The following MRPS35 variants were observed in gnomAD, a reference collection of about 807,000 sequenced individuals.
MRPS35 encodes the protein mitochondrial ribosomal protein S35.
Under a neutral mutation model 32.7 loss-of-function variants are expected in MRPS35, and 29 were observed. That is an observed-to-expected ratio of 0.89 (90% confidence interval 0.66 to 1.21). The LOEUF is 1.21. Ranked by LOEUF, MRPS35 falls within the 50% of genes most tolerant of loss-of-function variation. The pLI is 0.00. For synonymous variants in MRPS35, 148 were observed against 139.3 expected, an observed-to-expected ratio of 1.06 and a Z score of -0.44; for missense variants, 373 against 383.8, an observed-to-expected ratio of 0.97 and a Z score of 0.23.
intron 5 of MRPS35, among the ~76,000 whole-genome samples, chr12:27,727,536 T>C (rs1364073919): frequency 2.6e-5 from 4 of 152,134 alleles, no homozygotes; most frequent in African/African-American, 9.7e-5. Context: ...CCACCTAGGA[T>C]TGTGTAAATA....
intron 7 of MRPS35, among the ~76,000 whole-genome samples, chr12:27,741,218 G>T (rs2061963803): frequency 6.6e-6 from 1 of 152,070 alleles, no homozygotes; most frequent in Non-Finnish European, 1.5e-5. Flanking sequence ...GAGTTGTAGA[G>T]ATTTGGTGTC....
At chr12:27,752,953 T>C (rs2062011445) in intron 7 of MRPS35, 1 of 152,158 alleles carries the variant, frequency 6.6e-6, no homozygotes, top group African/African-American at 2.4e-5. Context: ...CTTGTTCTGC[T>C]CTTACCCCGT....
At chr12:27,738,499 T>G (rs546901012) in intron 7 of MRPS35, among the ~76,000 whole-genome samples, 1 of 152,242 alleles carries the variant, frequency 6.6e-6, no homozygotes, top group Non-Finnish European at 1.5e-5. Context: ...TATGTACATT[T>G]ATAAGGAAGA....
At position 27,724,172 on chromosome 12, in the gene MRPS35, G is replaced by T. The variant is rs368495203; in HGVS notation, c.508G>T (p.Val170Leu). Reference protein sequence around the residue: ...GPSVRNPRARVVVLRVKLSSL... With the variant: ...GPSVRNPRARLVVLRVKLSSL... ...ATCTGTTCGGAACCCCAGAGCACGA[G>T]TAGTAGTCTTAAGAGTAAGAGTTTT... Residue 170 changes from valine (V) to leucine (L), a missense_variant, in exon 5 of 8, where the codon GTA (valine) becomes TTA (leucine). Coordinates refer to ENST00000081029, the MANE Select transcript of MRPS35 (RefSeq NM_021821.4). 6.3e-7 allele frequency: 1 copy of T among 1,577,512 alleles called. No individual in the cohort carries two copies. Among genetic ancestry groups the T allele is most frequent in the Non-Finnish European group, 8.6e-7 (1 of 1,167,676 alleles).
At chr12:27,755,050 C>A in intron 7 of MRPS35, 131 bp from the exon 8 acceptor site, 1 of 1,076,702 alleles carries the variant, frequency 9.3e-7, no homozygotes, top group Non-Finnish European at 1.3e-6. Flanking sequence ...AGGGCCTCTC[C>A]ACATTTTGCA....
chr12:27,736,770 C>T (rs531105782), intron 6 of MRPS35, among the ~76,000 whole-genome samples: 115 of 152,294 alleles, frequency 7.6e-4, no homozygotes, highest in Admixed American at 5.0e-3. Context: ...ATTTTAAATA[C>T]AGCAGCAACA....
At chr12:27,743,294 A>G (rs56201260) in intron 7 of MRPS35, among the ~76,000 whole-genome samples, 106,742 of 151,532 alleles carry the variant, frequency 0.7, 38,274 homozygotes, top group African/African-American at 0.84. Flanking sequence ...TTGGGAGGCC[A>G]AGGCAGGTGG....
In MRPS35 at chr12:27,711,887, A is replaced by G. The variant is rs527605355; in HGVS notation, c.112+932A>G. On this transcript the variant is annotated intron_variant, in intron 1 of 7. Coordinates refer to ENST00000081029, the MANE Select transcript of MRPS35 (RefSeq NM_021821.4). The stretch of plus-strand genomic sequence containing the variant: ...AATAATTGTCTATTTTTAAATTTTC[A>G]TTCTTAAATTCTTGGAATACTTAAC... Among the ~76,000 whole-genome samples the G allele has an allele frequency of 1.7e-3, 106 of 62,156 alleles. 8 individuals are homozygous for G. The highest frequency in any genetic ancestry group is 0.019 in the Middle Eastern group (2 of 108). The allele number at this position is 62,156 out of a possible 152,430, so 40.8% of individuals were successfully genotyped here.
At chr12:27,724,743 G>A (rs955879100) in intron 5 of MRPS35, among the ~76,000 whole-genome samples, 1 of 149,604 alleles carries the variant, frequency 6.7e-6, no homozygotes, top group Non-Finnish European at 1.5e-5. Flanking sequence ...ATTCCATCTC[G>A]GAAAAAAAAA....
At chr12:27,752,586 C>T (rs564534293) in intron 7 of MRPS35, among the ~76,000 whole-genome samples, 12 of 152,156 alleles carry the variant, frequency 7.9e-5, no homozygotes, top group Admixed American at 3.3e-4. Context: ...ATGTATTTGT[C>T]GGTTTTTTAG....
chr12:27,720,155 G>A (rs1318465131), intron 4 of MRPS35, among the ~76,000 whole-genome samples: 1 of 152,068 alleles, frequency 6.6e-6, no homozygotes, highest in Non-Finnish European at 1.5e-5. Context: ...ACTTTGGAAG[G>A]CCGAGGCGGG....
chr12:27,713,600 T>G (rs576974477), intron 1 of MRPS35, among the ~76,000 whole-genome samples: 8 of 152,218 alleles, frequency 5.3e-5, no homozygotes, highest in African/African-American at 1.9e-4. Flanking sequence ...TATATTCTTC[T>G]TTCATCTGCC....
intron 5 of MRPS35, among the ~76,000 whole-genome samples, chr12:27,734,237 ATCT>A (rs1350402940): frequency 4.2e-5 from 6 of 141,568 alleles, no homozygotes; most frequent in Non-Finnish European, 7.6e-5. Flanking sequence ...AACCTAACCT[ATCT>A]TCTTTTTTTT....
intron 7 of MRPS35, among the ~76,000 whole-genome samples, chr12:27,739,962 A>G (rs1167954641): frequency 6.6e-6 from 1 of 152,232 alleles, no homozygotes. Context: ...GTAGCCACAT[A>G]CAACTGTCCA....
intron 2 of MRPS35, among the ~76,000 whole-genome samples, chr12:27,715,930 TG>T (rs1223573842): frequency 2.0e-5 from 3 of 152,246 alleles, no homozygotes; most frequent in Non-Finnish European, 2.9e-5. Context: ...CATGTACTAC[TG>T]ACTTCCATCA....
At chr12:27,751,913 C>T (rs942314231) in intron 7 of MRPS35, among the ~76,000 whole-genome samples, 4 of 152,178 alleles carry the variant, frequency 2.6e-5, no homozygotes, top group African/African-American at 4.8e-5. Flanking sequence ...GGCCTACCTC[C>T]ATGTACCTTT....
chr12:27,715,560 A>G (rs1455541422), intron 2 of MRPS35, among the ~76,000 whole-genome samples: 4 of 152,248 alleles, frequency 2.6e-5, no homozygotes, highest in African/African-American at 7.2e-5. Flanking sequence ...TTGGTGAGCA[A>G]TAGTGTCAGA....
rs1030823436 is a variant in MRPS35, at chr12:27,756,069, G to A, written c.*619G>A. ...AGTAGAAGTGGAGATTACCTGGTAT[G>A]TATCTCTCTGGGTGCCCCAGTTAGA... On this transcript the variant is annotated 3_prime_UTR_variant, in exon 8 of 8. Coordinates refer to ENST00000081029, the MANE Select transcript of MRPS35 (RefSeq NM_021821.4). 1 of 152,242 alleles carries A rather than the reference G, an allele frequency of 6.6e-6. No individual in the cohort carries two copies. Among genetic ancestry groups the A allele is most frequent in the Non-Finnish European group, 1.5e-5 (1 of 68,056 alleles). The allele number at this position is 152,242 out of a possible 1,614,324, so 9.4% of individuals were successfully genotyped here.
At chr12:27,712,460 T>C (rs2061831858) in intron 1 of MRPS35, among the ~76,000 whole-genome samples, 1 of 152,088 alleles carries the variant, frequency 6.6e-6, no homozygotes, top group Non-Finnish European at 1.5e-5. Context: ...GGGGTAAGAG[T>C]GGAAGCCAAA....
Sources: allele counts gnomAD v4.1 joint callset (sites outside exome capture counted in the v4.1 genomes callset), GRCh38; gene constraint gnomAD v4.1.1; transcripts MANE v1.5; gene names NCBI Gene and HGNC (gene_info 2026-07-23, HGNC 2026-07-21).